The following CR1 variants were observed in gnomAD, a reference collection of about 807,000 sequenced individuals.
The protein encoded by CR1 is complement receptor type 1.
CR1 carries 116 observed loss-of-function variants against 187.3 expected under a neutral mutation model. The ratio of observed to expected loss-of-function variants is 0.62; its 90% CI spans 0.53 to 0.72. The LOEUF (loss-of-function observed/expected upper bound fraction) is 0.72. Ranked by LOEUF, CR1 falls within the 30% of genes least tolerant of loss-of-function variation. CR1 has a pLI of 0.00. For missense variants in CR1, 1,731 were observed against 2,110.7 expected (o/e 0.82, Z 3.52); for synonymous variants, 576 against 747.1 (o/e 0.77, Z 3.73).
At chr1:207,583,854 G>T (rs1180870879) in intron 32 of CR1, among the ~76,000 whole-genome samples, 2 of 152,248 alleles carry the variant, frequency 1.3e-5, no homozygotes, top group Middle Eastern at 3.4e-3. Flanking sequence ...GTAAACATTG[G>T]TTAAGCTATT....
In CR1 at chr1:207,609,563, G is replaced by A; in HGVS notation, c.6170G>A (p.Ser2057Asn). ...ENAIRVPGNR[S>N]FFTLTEIIRF... The stretch of plus-strand genomic sequence containing the variant: ...GCAATTAGAGTACCAGGAAACAGGA[G>A]TTTCTTTACCCTCACTGAGATCATC... The change falls in exon 37 of 47, where the codon AGT becomes AAT. Residue 2057 changes from serine to asparagine, a missense_variant. Physicochemically the swap from Ser to Asn is conservative, Grantham distance 46 (BLOSUM62 1). This residue lies in a region of CR1 where 1,312 missense variants were observed against 1,379.6 expected (regional missense o/e 0.95). Coordinates refer to ENST00000367049, the MANE Select transcript of CR1 (RefSeq NM_000651.6). The A allele has an allele frequency of 6.2e-7, 1 of 1,613,834 alleles. No individual in the cohort carries two copies. Among genetic ancestry groups the A allele is most frequent in the South Asian group, 1.1e-5 (1 of 91,048 alleles).
chr1:207,599,230 T>C (rs368280084), intron 35 of CR1, among the ~76,000 whole-genome samples: 24 of 152,276 alleles, frequency 1.6e-4, no homozygotes, highest in African/African-American at 4.8e-4. Context: ...GCCTTAAAAA[T>C]TGCTAAAATA....
intron 45 of CR1, among the ~76,000 whole-genome samples, chr1:207,623,999 C>G (rs1375048385): frequency 2.2e-5 from 3 of 139,130 alleles, no homozygotes; most frequent in African/African-American, 8.1e-5. Context: ...GATCTTGGCT[C>G]ACTGCAACCT....
chr1:207,580,646 C>T (rs1330659176), intron 31 of CR1, 33 bp downstream of exon 31: 13 of 1,566,904 alleles, frequency 8.3e-6, no homozygotes, highest in Non-Finnish European at 1.1e-5. Context: ...ATCAGGGACT[C>T]AGCACTGCAG....
intron 28 of CR1, among the ~76,000 whole-genome samples, chr1:207,576,980 G>A (rs1161289058): frequency 1.3e-5 from 2 of 152,210 alleles, no homozygotes; most frequent in African/African-American, 4.8e-5. Context: ...GCTAGGCACA[G>A]TGGCTCATGC....
chr1:207,511,981 T>A (rs1927655), intron 4 of CR1, among the ~76,000 whole-genome samples: 35 of 152,350 alleles, frequency 2.3e-4, no homozygotes, highest in African/African-American at 3.8e-4. Flanking sequence ...TAAAGATTTT[T>A]AAAATTGATA....
chr1:207,596,770 G>C (rs1661456636), intron 35 of CR1, among the ~76,000 whole-genome samples: 1 of 147,976 alleles, frequency 6.8e-6, no homozygotes, highest in African/African-American at 2.5e-5. Context: ...AGCACAGGGG[G>C]AAGGTTTCAT....
At position 207,564,056 on chromosome 1, in the gene CR1, T is replaced by C. The variant is rs1010715568; in HGVS notation, c.3763+16T>C. On this transcript the variant is annotated intron_variant, in intron 22 of 46. Coordinates refer to ENST00000367049, the MANE Select transcript of CR1 (RefSeq NM_000651.6). ...ACATGTGAAGGTGACTAGACTCTTA[T>C]CTGGCTTGATATTTTTAGCTTGCGT... 14 of 1,520,566 alleles carry C rather than the reference T, an allele frequency of 9.2e-6. No individual in the cohort carries two copies. The highest frequency in any genetic ancestry group is 2.3e-5 in the East Asian group (1 of 43,620). The allele number at this position is 1,520,566 out of a possible 1,614,324, so 94.2% of individuals were successfully genotyped here.
chr1:207,567,647 T>C (rs1406735583), intron 24 of CR1, among the ~76,000 whole-genome samples, 177 bp from the exon 25 acceptor site: 2 of 150,518 alleles, frequency 1.3e-5, no homozygotes, highest in African/African-American at 2.5e-5. Context: ...CAAATCTCTT[T>C]TGTACTTTGC....
intron 35 of CR1, among the ~76,000 whole-genome samples, chr1:207,592,780 G>C (rs1341261883): frequency 6.6e-6 from 1 of 152,046 alleles, no homozygotes; most frequent in African/African-American, 2.4e-5. Flanking sequence ...AAAATCACAA[G>C]CATTCCTATA....
At chr1:207,633,352 A>G (rs776588312) in intron 46 of CR1, among the ~76,000 whole-genome samples, 6 of 152,234 alleles carry the variant, frequency 3.9e-5, no homozygotes, top group African/African-American at 1.4e-4. Flanking sequence ...AATAATCTCT[A>G]TCTAGTAGTA....
chr1:207,600,836 C>T (rs762546212), intron 35 of CR1: 2 of 152,024 alleles, frequency 1.3e-5, no homozygotes, highest in Admixed American at 6.6e-5. Context: ...ATTAGAATAT[C>T]GCCAGTCAGC....
Position 207,577,261 on chromosome 1 carries a change from C to CAAAAAA in CR1, c.4538-541_4538-540insAAAAAA, listed in dbSNP as rs780785123. Among the ~76,000 whole-genome samples the CAAAAAA allele has an allele frequency of 5.0e-5, 7 of 139,164 alleles. 1 individual carries two copies. The highest frequency in any genetic ancestry group is 5.1e-4 in the East Asian group (2 of 3,920). 91.3% of individuals were successfully genotyped at this position (139,164 alleles called of 152,430 possible). Reference sequence around the variant, plus strand: ...GTGAGGATCTGTTAAAACAAACAAACAAACAAAAAAAAAACACATGGACTC... The same window carrying CAAAAAA: ...GTGAGGATCTGTTAAAACAAACAAACAAAAAAAAACAAAAAAAAAACACATGGACTC... On this transcript the variant is annotated intron_variant, in intron 28 of 46. Transcript: ENST00000367049.
At position 207,584,794 on chromosome 1, in the gene CR1, C is replaced by T. The variant is rs368731098; in HGVS notation, c.5448C>T (p.Ser1816=). 1.4e-5 allele frequency: 23 copies of T among 1,613,972 alleles called. No homozygotes were observed. In the African/African-American group the frequency reaches 2.7e-4, roughly 19 times the overall value. ...TGACCTTCAACCTCATTGGGGAGAG[C>T]ACCATCCGCTGCACAAGTGACCCTC... ...RGMTFNLIGE[S]TIRCTSDPHG... The change falls in exon 33 of 47, where the codon AGC becomes AGT. Residue 1816 remains serine (S), a synonymous_variant. Transcript: ENST00000367049.
chr1:207,510,828 T>TA (rs1659590918), intron 3 of CR1, among the ~76,000 whole-genome samples: 1 of 106,436 alleles, frequency 9.4e-6, no homozygotes, highest in Admixed American at 8.4e-5. Flanking sequence ...TTTTACTTTC[T>TA]TTTTTTTTTT....
intron 35 of CR1, among the ~76,000 whole-genome samples, chr1:207,603,702 T>C (rs1337698169): frequency 6.6e-6 from 1 of 152,168 alleles, no homozygotes; most frequent in Non-Finnish European, 1.5e-5. Context: ...TTATTATATA[T>C]TACTCTACAA....
chr1:207,564,895 C>T (rs1409617319), intron 23 of CR1, among the ~76,000 whole-genome samples: 2 of 150,298 alleles, frequency 1.3e-5, no homozygotes, highest in Non-Finnish European at 2.9e-5. Flanking sequence ...TTATTAAAAG[C>T]TAGGATCCTT....
At chr1:207,567,205 A>C (rs1660527857) in intron 24 of CR1, among the ~76,000 whole-genome samples, 1 of 150,320 alleles carries the variant, frequency 6.7e-6, no homozygotes, top group Non-Finnish European at 1.5e-5. Context: ...TAAAAAGAGA[A>C]AATAAATCAT....
chr1:207,565,285 C>T (rs2102323834), intron 23 of CR1, among the ~76,000 whole-genome samples: 1 of 150,348 alleles, frequency 6.7e-6, no homozygotes, highest in Middle Eastern at 3.4e-3. Context: ...AAAATCATGT[C>T]CTCTCTTCTT....
Sources: allele counts gnomAD v4.1 joint callset (sites outside exome capture counted in the v4.1 genomes callset), GRCh38; gene constraint gnomAD v4.1.1; regional missense constraint gnomAD v4.1.1; transcripts MANE v1.5; gene names NCBI Gene and HGNC (gene_info 2026-07-23, HGNC 2026-07-21).